The following RBFOX1 variants were observed in gnomAD, a reference collection of about 807,000 sequenced individuals.
RBFOX1 encodes the protein RNA binding fox-1 homolog 1.
In RBFOX1, 8 loss-of-function variants were observed where a neutral mutation model predicts 57.7. The ratio of observed to expected loss-of-function variants is 0.14; its 90% CI spans 0.08 to 0.25. RBFOX1 has a LOEUF of 0.25. Ranked by LOEUF, RBFOX1 falls within the 10% of genes least tolerant of loss-of-function variation. The pLI, the probability that RBFOX1 is intolerant of heterozygous loss-of-function variation, is 1.00. For synonymous variants in RBFOX1, 326 were observed against 222.4 expected (o/e 1.47, Z -4.15); for missense variants, 611 against 548.5 (o/e 1.11, Z -1.14).
At chr16:6,070,460 A>G (rs1258890119) in intron 1 of RBFOX1, among the ~76,000 whole-genome samples, 3 of 152,192 alleles carry the variant, frequency 2.0e-5, no homozygotes, top group Non-Finnish European at 4.4e-5. Flanking sequence ...GCATAGCCCA[A>G]ACTTTCGTGG....
chr16:5,261,819 G>A (rs1186619895), intron 1 of RBFOX1, among the ~76,000 whole-genome samples: 1 of 152,056 alleles, frequency 6.6e-6, no homozygotes, highest in Non-Finnish European at 1.5e-5. Flanking sequence ...CAAAATGCTG[G>A]GATTACAGGT....
At chr16:5,746,725 A>G (rs1379225068) in intron 3 of RBFOX1, among the ~76,000 whole-genome samples, 1 of 152,166 alleles carries the variant, frequency 6.6e-6, no homozygotes, top group Non-Finnish European at 1.5e-5. Context: ...TTCACTCATG[A>G]TTTGGCTCTC....
intron 4 of RBFOX1, among the ~76,000 whole-genome samples, chr16:7,418,947 C>T (rs922409809): frequency 6.6e-6 from 1 of 152,202 alleles, no homozygotes; most frequent in Admixed American, 6.5e-5. Context: ...GTCTGTCACC[C>T]AGGTTGGAGT....
intron 3 of RBFOX1, 74 bp from the exon 4 acceptor site, chr16:7,051,983 A>T: frequency 6.4e-7 from 1 of 1,564,012 alleles, no homozygotes; most frequent in Non-Finnish European, 8.7e-7. Flanking sequence ...ATTAAAAGTA[A>T]CTTTCTGTTT....
At chr16:7,506,711 C>G (rs933544612) in intron 4 of RBFOX1, among the ~76,000 whole-genome samples, 3 of 152,118 alleles carry the variant, frequency 2.0e-5, no homozygotes, top group African/African-American at 4.8e-5. Flanking sequence ...CTTTCCCTTA[C>G]TAATGTACGA....
At chr16:7,694,673 A>T (rs2078236783) in intron 14 of RBFOX1, among the ~76,000 whole-genome samples, 1 of 152,128 alleles carries the variant, frequency 6.6e-6, no homozygotes, top group Non-Finnish European at 1.5e-5. Flanking sequence ...CACTTTACTA[A>T]TGCCCAGTGC....
rs972088205 is a variant in RBFOX1 at position 5,946,659 on chromosome 16, G to A, written c.351+79324G>A. 1.3e-5 allele frequency among the ~76,000 whole-genome samples: 2 copies of A among 152,182 alleles called. No individual in the cohort carries two copies. The highest frequency in any genetic ancestry group is 2.9e-5 in the Non-Finnish European group (2 of 68,038). ...GCTAGGCAACTATTGAACCAGAGAA[G>A]GGGGTTATGAGAATCTCTGATTTAT... On this transcript the variant is annotated intron_variant, in intron 4 of 19. Coordinates refer to the RBFOX1 transcript ENST00000641259. The surrounding 1 kb of genome is among the most constrained non-coding windows in gnomAD (Gnocchi z 4.6).
intron 6 of RBFOX1, 85 bp downstream of exon 6, chr16:7,580,005 A>T (rs903061463): frequency 6.9e-7 from 1 of 1,443,190 alleles, no homozygotes; most frequent in African/African-American, 1.4e-5. Flanking sequence ...GGTATTTACA[A>T]TACTAAGGTT....
chr16:5,240,959 C>G (rs2062152114), intron 1 of RBFOX1, among the ~76,000 whole-genome samples: 1 of 152,230 alleles, frequency 6.6e-6, no homozygotes. Context: ...GGGCCGCCAC[C>G]TTGATGGTTT....
chr16:5,670,064 T>G (rs571951512), intron 3 of RBFOX1, among the ~76,000 whole-genome samples: 1 of 151,968 alleles, frequency 6.6e-6, no homozygotes, highest in African/African-American at 2.4e-5. Flanking sequence ...ACATGCTAAG[T>G]GAGGGAAGCC....
intron 2 of RBFOX1, among the ~76,000 whole-genome samples, chr16:6,489,516 G>A (rs1437551738): frequency 6.6e-6 from 1 of 152,116 alleles, no homozygotes; most frequent in Non-Finnish European, 1.5e-5. Flanking sequence ...AAGTGGCAGA[G>A]CTGGGGTTTA....
chr16:6,753,008 T>C (rs72766711), intron 3 of RBFOX1, among the ~76,000 whole-genome samples: 1,630 of 152,298 alleles, frequency 0.011, 16 homozygotes, highest in Non-Finnish European at 0.017. Flanking sequence ...AAATACACAA[T>C]TGTGCAAATT....
intron 5 of RBFOX1, among the ~76,000 whole-genome samples, chr16:7,526,687 A>C (rs1220015673): frequency 6.6e-6 from 1 of 152,242 alleles, no homozygotes; most frequent in African/African-American, 2.4e-5. Context: ...AAAAAGTCTC[A>C]AAAATCATAA....
chr16:5,609,998 C>T (rs916630174), intron 3 of RBFOX1, among the ~76,000 whole-genome samples: 3 of 152,154 alleles, frequency 2.0e-5, no homozygotes, highest in Non-Finnish European at 4.4e-5. Flanking sequence ...AATGTCTAAG[C>T]CCTGCTTAGC....
At chr16:7,404,028 CTTTTATTTTATTTTATTTTATTTTA>C (rs57717446) in intron 4 of RBFOX1, among the ~76,000 whole-genome samples, 2 of 129,964 alleles carry the variant, frequency 1.5e-5, no homozygotes, top group Non-Finnish European at 3.2e-5. Flanking sequence ...ATTTCATTTC[CTTTTATTTTATTTTATTTTATTTTA>C]TTTTATTTTA....
At chr16:6,207,212 G>T (rs910583391) in intron 1 of RBFOX1, among the ~76,000 whole-genome samples, 8 of 152,106 alleles carry the variant, frequency 5.3e-5, no homozygotes, top group African/African-American at 1.9e-4. Context: ...TAGCTTTCTA[G>T]TGCTGTTAGT....
rs552678414 is a variant in RBFOX1, at chr16:6,877,428, G to A, written c.-15-174629G>A. On this transcript the variant is annotated intron_variant, in intron 3 of 15. Coordinates refer to ENST00000550418, the MANE Select transcript of RBFOX1 (RefSeq NM_018723.4). The stretch of plus-strand genomic sequence containing the variant: ...ATGGACTGCATTATTAAATCACAGA[G>A]ACAAGCAAAACCAGAGTAGTGGGGA... Among the ~76,000 whole-genome samples, 3 of 152,194 alleles carry A rather than the reference G, an allele frequency of 2.0e-5. No individual in the cohort carries two copies. In the South Asian group the frequency reaches 6.2e-4, roughly 32 times the overall value.
intron 4 of RBFOX1, among the ~76,000 whole-genome samples, chr16:5,920,917 G>A (rs1196520059): frequency 1.0e-5 from 1 of 95,618 alleles, no homozygotes; most frequent in African/African-American, 3.3e-5. Flanking sequence ...TGTACGTGCA[G>A]TGGTGGGATG....
intron 3 of RBFOX1, among the ~76,000 whole-genome samples, chr16:5,839,884 C>A (rs1002332934): frequency 2.0e-5 from 3 of 152,210 alleles, no homozygotes; most frequent in Non-Finnish European, 2.9e-5. Context: ...TGACTAGAAT[C>A]AGTCTCGTTG....
Sources: gnomAD v4.1 joint callset for allele counts (sites outside exome capture counted in the v4.1 genomes callset) on GRCh38, gnomAD v4.1.1 for gene constraint, Gnocchi (gnomAD v3.1) non-coding constraint, MANE v1.5 for transcripts, NCBI Gene and HGNC (gene_info 2026-07-23, HGNC 2026-07-21) for gene names.